The following TRAF2 variants were observed in gnomAD, a reference collection of about 807,000 sequenced individuals.
The protein encoded by TRAF2 is TNF receptor associated factor 2.
Under a neutral mutation model 55.6 loss-of-function variants are expected in TRAF2, and 6 were observed. The ratio of observed to expected loss-of-function variants is 0.11; its 90% confidence interval spans 0.06 to 0.21. The LOEUF is 0.21. Among genes scored for constraint, TRAF2 ranks in the 10% least tolerant of loss-of-function variants. The pLI is 1.00. For synonymous variants in TRAF2, 329 were observed against 276.3 expected, an observed-to-expected ratio of 1.19 and a Z score of -1.89; for missense variants, 561 against 684.5, an observed-to-expected ratio of 0.82 and a Z score of 2.01.
Position 136,926,230 on chromosome 9 carries a change from CAGAGTG to C in TRAF2, c.*330_*335del. 1 of 456,688 alleles carries C rather than the reference CAGAGTG, an allele frequency of 2.2e-6. No homozygotes were observed. The highest frequency in any genetic ancestry group is 4.2e-6 in the Non-Finnish European group (1 of 239,356). The allele number at this position is 456,688 out of a possible 1,614,324, so 28.3% of individuals were successfully genotyped here. A position where few individuals can be genotyped will look rare whatever the true frequency, so the allele number is the denominator to read the frequency against. ...GGAGAGGCCCTGGGTGGGGGACACT[CAGAGTG>C]GGAGCACATCCCAGCAGTGCCCATG... On this transcript the variant is annotated 3_prime_UTR_variant, in exon 11 of 11. Transcript: ENST00000247668.
intron 3 of TRAF2, among the ~76,000 whole-genome samples, chr9:136,899,913 C>T (rs1485531021): frequency 6.6e-6 from 1 of 152,132 alleles, no homozygotes; most frequent in Admixed American, 6.5e-5. Context: ...CACCTGTAAT[C>T]CCAGCACTTT....
upstream of TRAF2, chr9:136,886,014 G>A (rs1849437243): frequency 6.6e-6 from 1 of 152,226 alleles, no homozygotes; most frequent in Non-Finnish European, 1.5e-5. Context: ...GGGTAGGTGC[G>A]GCCGCCCCGC....
At position 136,886,538 on chromosome 9, in the gene TRAF2, T is replaced by C. The variant is rs1849451556; in HGVS notation, c.-32T>C. On this transcript the variant is annotated 5_prime_UTR_variant, in exon 1 of 11. Coordinates refer to ENST00000247668, the MANE Select transcript of TRAF2 (RefSeq NM_021138.4). ...CTTAGTTCCGGGCGCGCTGCGACCG[T>C]TGGGTGAGGCGAGCGCGGGGTCGGG... 1.0e-6 allele frequency: 1 copy of C among 986,218 alleles called. No homozygotes were observed. The highest frequency in any genetic ancestry group is 4.7e-4 in the Middle Eastern group (1 of 2,132). 61.1% of individuals were successfully genotyped at this position (986,218 alleles called of 1,614,324 possible). A position where few individuals can be genotyped will look rare whatever the true frequency, so the allele number is the denominator to read the frequency against.
intron 4 of TRAF2, among the ~76,000 whole-genome samples, chr9:136,903,283 TTGA>T (rs1243488767): frequency 1.3e-5 from 2 of 152,268 alleles, no homozygotes; most frequent in African/African-American, 2.4e-5. Flanking sequence ...TAGGTAAATG[TTGA>T]TGGAGTGCTT....
intron 1 of TRAF2, chr9:136,886,899 G>C (rs1014363819): frequency 6.6e-6 from 1 of 152,396 alleles, no homozygotes; most frequent in Non-Finnish European, 1.5e-5. Context: ...CGGGTCCGTC[G>C]CTCCCCCGCA....
intron 9 of TRAF2, among the ~76,000 whole-genome samples, chr9:136,922,111 C>T (rs1189570519): frequency 6.6e-6 from 1 of 152,188 alleles, no homozygotes; most frequent in Non-Finnish European, 1.5e-5. Context: ...GGGGCCATGG[C>T]AGTCCTGTGC....
intron 2 of TRAF2, 95 bp downstream of exon 2, chr9:136,899,023 TC>T: frequency 7.6e-7 from 1 of 1,320,546 alleles, no homozygotes; most frequent in Non-Finnish European, 1.0e-6. Context: ...CAGAGCCGGG[TC>T]CAGCTTAGAT....
At chr9:136,896,757 C>T (rs995435706) in intron 1 of TRAF2, among the ~76,000 whole-genome samples, 7 of 152,092 alleles carry the variant, frequency 4.6e-5, no homozygotes, top group African/African-American at 1.2e-4. Flanking sequence ...TACAGGCGCC[C>T]GCCGCCACGC....
At chr9:136,913,423 T>A (rs1850168718) in intron 6 of TRAF2, among the ~76,000 whole-genome samples, 1 of 148,824 alleles carries the variant, frequency 6.7e-6, no homozygotes, top group Non-Finnish European at 1.5e-5. Context: ...TCAGCGTCCC[T>A]AGTAGCTGGG....
intron 4 of TRAF2, among the ~76,000 whole-genome samples, chr9:136,906,281 C>T (rs1253085822): frequency 6.6e-6 from 1 of 152,052 alleles, no homozygotes; most frequent in African/African-American, 2.4e-5. Flanking sequence ...CATTTTCATA[C>T]TACTATAAAG....
intron 1 of TRAF2, 100 bp from the exon 2 acceptor site, chr9:136,898,613 C>T (rs1368692840): frequency 2.8e-5 from 43 of 1,512,708 alleles, no homozygotes; most frequent in Admixed American, 7.9e-5. Flanking sequence ...AGTGGGGACC[C>T]GGCCCCTCAC....
At chr9:136,901,225 C>T (rs889799518) in intron 4 of TRAF2, among the ~76,000 whole-genome samples, 2 of 151,928 alleles carry the variant, frequency 1.3e-5, no homozygotes, top group Non-Finnish European at 2.9e-5. Context: ...GAGAGCTCGT[C>T]GAGGCCACTA....
chr9:136,893,991 T>C (rs964229560), intron 1 of TRAF2, among the ~76,000 whole-genome samples: 1 of 150,846 alleles, frequency 6.6e-6, no homozygotes, highest in African/African-American at 2.4e-5. Context: ...CTCGTGATTC[T>C]CCTGCCTTGG....
At chr9:136,883,972 G>A (rs139523497), upstream of TRAF2, among the ~76,000 whole-genome samples, 1,770 of 148,478 alleles carry the variant, frequency 0.012, 36 homozygotes, top group African/African-American at 0.042. Context: ...GTACAGGCGC[G>A]TACCACCATG....
intron 2 of TRAF2, 60 bp downstream of exon 2, chr9:136,898,988 C>T (rs558158132): frequency 1.2e-4 from 188 of 1,507,786 alleles, no homozygotes; most frequent in Admixed American, 4.9e-4. Context: ...TTTAGAGCCA[C>T]GCTGCCCAGC....
chr9:136,920,541 A>C (rs898478678), intron 8 of TRAF2, 26 bp downstream of exon 8: 6 of 1,593,478 alleles, frequency 3.8e-6, no homozygotes, highest in African/African-American at 1.3e-5. Context: ...GTGGCCAGCC[A>C]TGAGGAGGAC....
rs746789857 is a variant in TRAF2 at position 136,908,236 on chromosome 9, G to A, written c.528+5G>A. On this transcript the variant is annotated splice_donor_5th_base_variant and intron_variant, in intron 5 of 10. Coordinates refer to ENST00000247668, the MANE Select transcript of TRAF2 (RefSeq NM_021138.4). ...TGCTGCGGAGCAGACGTGAAGGTGC[G>A]TGGGGTGGAGCAGCAGCCTGTGTGG... The A allele has an allele frequency of 1.0e-5, 16 of 1,568,488 alleles. No individual in the cohort carries two copies. The highest frequency in any genetic ancestry group is 9.2e-5 in the Admixed American group (5 of 54,318).
chr9:136,923,184 C>T (rs1218759942), intron 9 of TRAF2, among the ~76,000 whole-genome samples: 1 of 152,164 alleles, frequency 6.6e-6, no homozygotes, highest in Non-Finnish European at 1.5e-5. Flanking sequence ...GCTTGGGGCC[C>T]AACCTAAGCC....
At chr9:136,924,349 C>G (rs1427615053) in intron 10 of TRAF2, among the ~76,000 whole-genome samples, 4 of 152,090 alleles carry the variant, frequency 2.6e-5, no homozygotes, top group South Asian at 2.1e-4. Flanking sequence ...TGCTTGAACC[C>G]AGGAGTTTGA....
Sources: allele counts gnomAD v4.1 joint callset (sites outside exome capture counted in the v4.1 genomes callset), GRCh38; gene constraint gnomAD v4.1.1; transcripts MANE v1.5; gene names NCBI Gene and HGNC (gene_info 2026-07-23, HGNC 2026-07-21).